Variants in NLRP1 observed in about 807,000 individuals in gnomAD.
The protein encoded by NLRP1 is NACHT, LRR and PYD domains-containing protein 1.
Under a neutral mutation model 136.7 loss-of-function variants are expected in NLRP1, and 94 were observed. The ratio of observed to expected loss-of-function variants is 0.69; its 90% CI spans 0.58 to 0.82. The LOEUF is 0.82. Ranked by LOEUF, NLRP1 falls within the 40% of genes least tolerant of loss-of-function variation. The probability of loss-of-function intolerance (pLI) is 0.00; values close to 1 mark genes in which losing one functional copy is unlikely to be tolerated. For missense variants in NLRP1, 1,575 were observed against 1,802.7 expected, an observed-to-expected ratio of 0.87 and a Z score of 2.29; for synonymous variants, 690 against 725.1, an observed-to-expected ratio of 0.95 and a Z score of 0.78.
At position 5,556,153 on chromosome 17, in the gene NLRP1, CACACACACAT is replaced by C. The variant is rs1168043670; in HGVS notation, c.2357+2176_2357+2185del. Among the ~76,000 whole-genome samples the C allele has an allele frequency of 6.2e-3, 886 of 143,574 alleles. 10 individuals carry two copies. Among genetic ancestry groups the C allele is most frequent in the African/African-American group, 0.022 (830 of 37,504 alleles). The allele number at this position is 143,574 out of a possible 152,430, so 94.2% of individuals were successfully genotyped here. A position where few individuals can be genotyped will look rare whatever the true frequency, so the allele number is the denominator to read the frequency against. On this transcript the variant is annotated intron_variant, in intron 4 of 16. Transcript: ENST00000572272. ...ACACACACACACACACACACACACA[CACACACACAT>C]GAAGGGCTGGGCATGGTGGCTCACA... is the stretch of plus-strand genomic sequence containing the variant.
intron 3 of NLRP1, among the ~76,000 whole-genome samples, chr17:5,570,893 C>T (rs148632269): frequency 2.6e-5 from 4 of 152,192 alleles, no homozygotes; most frequent in East Asian, 1.9e-4. Context: ...TCCAGCAGCA[C>T]GTCAAAAAGC....
chr17:5,537,077 G>A lies in NLRP1; in HGVS notation c.2871-137C>T, dbSNP rs1347770111. 6 of 646,756 alleles carry A rather than the reference G, an allele frequency of 9.3e-6. No individual in the cohort carries two copies. Among genetic ancestry groups the A allele is most frequent in the Admixed American group, 7.0e-5 (3 of 42,828 alleles). 40.1% of individuals were successfully genotyped at this position (646,756 alleles called of 1,614,324 possible). The stretch of plus-strand genomic sequence containing the variant: ...GGTTCCCTGGAAGCCAGGCTCTGAG[G>A]AGGAGGGTACAGTGAGGAGATTCAT... On this transcript the variant is annotated intron_variant, in intron 7 of 16. Coordinates refer to ENST00000572272, the MANE Select transcript of NLRP1 (RefSeq NM_033004.4). The surrounding 1 kb of genome is among the most constrained non-coding windows in gnomAD (Gnocchi z 4.5).
intron 15 of NLRP1, among the ~76,000 whole-genome samples, chr17:5,507,511 A>G (rs1274356857): frequency 6.6e-6 from 1 of 152,198 alleles, no homozygotes; most frequent in African/African-American, 2.4e-5. Flanking sequence ...CCTGGGCAAC[A>G]TGGTGAAACC....
At chr17:5,553,315 G>T in intron 5 of NLRP1, 71 bp downstream of exon 5, 3 of 1,395,946 alleles carry the variant, frequency 2.1e-6, no homozygotes, top group Non-Finnish European at 2.9e-6. Context: ...AAATCCCTCA[G>T]CCCAGACTCA....
downstream of NLRP1, among the ~76,000 whole-genome samples, chr17:5,509,369 C>A (rs183211086): frequency 5.3e-4 from 80 of 152,330 alleles, no homozygotes; most frequent in African/African-American, 1.9e-3. Flanking sequence ...AGGACTGGGG[C>A]CTGGACCAGA....
rs1449160035 is a variant in NLRP1 at position 5,537,453 on chromosome 17, G to C, written c.2871-513C>G. ...GGTCGGAAGTTTTGCTGGGAAGAGAGAGTCCTGGTTCCATCCTCCCAGGCC... is the reference window on the plus strand; with the variant it reads ...GGTCGGAAGTTTTGCTGGGAAGAGACAGTCCTGGTTCCATCCTCCCAGGCC... On this transcript the variant is annotated intron_variant, in intron 7 of 16. Coordinates refer to ENST00000572272, the MANE Select transcript of NLRP1 (RefSeq NM_033004.4). This position sits in a 1 kb window ranked among gnomAD's most constrained non-coding sequence, Gnocchi z 4.5. Among the ~76,000 whole-genome samples, 1 of 152,190 alleles carries C rather than the reference G, an allele frequency of 6.6e-6. No homozygotes were observed. The highest frequency in any genetic ancestry group is 1.5e-5 in the Non-Finnish European group (1 of 68,030).
At chr17:5,501,932 C>T in intron 15 of NLRP1, 1 of 1,468,128 alleles carries the variant, frequency 6.8e-7, no homozygotes, top group Non-Finnish European at 9.5e-7. Context: ...TTGGAGAGGT[C>T]CACTGGCCGG....
intron 12 of NLRP1, 118 bp downstream of exon 12, chr17:5,530,363 C>T (rs1042615131): frequency 3.7e-6 from 3 of 814,754 alleles, no homozygotes; most frequent in East Asian, 2.6e-5. Context: ...TCTCCATAAC[C>T]CCCCCTCGGC....
At chr17:5,551,568 G>A (rs758861727) in intron 5 of NLRP1, among the ~76,000 whole-genome samples, 3 of 152,096 alleles carry the variant, frequency 2.0e-5, no homozygotes, top group Non-Finnish European at 4.4e-5. Flanking sequence ...TGGATCCTAT[G>A]GTAAAAGTAT....
intron 15 of NLRP1, among the ~76,000 whole-genome samples, chr17:5,517,350 A>ATCCCC (rs1908249471): frequency 2.1e-5 from 1 of 47,380 alleles, no homozygotes; most frequent in African/African-American, 8.2e-5. Context: ...TGCACTCTGC[A>ATCCCC]CCCCCCCCCC....
intron 16 of NLRP1, 143 bp downstream of exon 16, chr17:5,515,330 G>T: frequency 1.3e-6 from 1 of 782,714 alleles, no homozygotes; most frequent in South Asian, 1.5e-5. Flanking sequence ...TATGGGGAGC[G>T]ACCATGCACC....
At chr17:5,515,921 T>C (rs1908044185) in intron 15 of NLRP1, among the ~76,000 whole-genome samples, 1 of 152,234 alleles carries the variant, frequency 6.6e-6, no homozygotes, top group African/African-American at 2.4e-5. Flanking sequence ...TCCTTGTTCT[T>C]GTTTAGCCTT....
chr17:5,558,593 C>CA lies in NLRP1; in HGVS notation c.2102dup (p.Met701IlefsTer59), dbSNP rs1240373624. On this transcript the variant is annotated frameshift_variant, in exon 4 of 17. Coordinates refer to ENST00000572272, the MANE Select transcript of NLRP1 (RefSeq NM_033004.4). LOFTEE classifies it high-confidence loss of function. ...GCAGCTGCAGGGACGGGACCCACTG[C>CA]ATCAGGTTCCTCCCCTGAGACAGCC... 1 of 1,614,016 alleles carries CA rather than the reference C, an allele frequency of 6.2e-7. No homozygotes were observed. Among genetic ancestry groups the CA allele is most frequent in the African/African-American group, 1.3e-5 (1 of 74,904 alleles).
At position 5,515,002 on chromosome 17, in the gene NLRP1, G is replaced by C. The variant is rs202212177; in HGVS notation, c.4174C>G (p.Arg1392Gly). ...AAGACAACCTCCACCGATGTCACTC[G>C]GGCTATCAGCTGCTCTCGATACTGG... ...VDQYREQLIA[R>G]VTSVEVVLDK... Residue 1392 changes from arginine (R) to glycine (G), a missense_variant, in exon 17 of 17, where the codon CGA becomes GGA. Transcript: ENST00000572272. 6.2e-7 allele frequency: 1 copy of C among 1,614,150 alleles called. No individual in the cohort carries two copies. The highest frequency in any genetic ancestry group is 1.6e-4 in the Middle Eastern group (1 of 6,062).
At position 5,539,578 on chromosome 17, in the gene NLRP1, T is replaced by G. The variant is rs1451659614; in HGVS notation, c.2707A>C (p.Ser903Arg). 6.2e-7 allele frequency: 1 copy of G among 1,608,448 alleles called. No homozygotes were observed. Among genetic ancestry groups the G allele is most frequent in the African/African-American group, 1.3e-5 (1 of 74,766 alleles). Reference sequence around the variant, plus strand: ...CAGCAGTCAGACGTGAGGCCACAGCTGACCAGCCTGCAGGAAAGATACACG... The same window carrying G: ...CAGCAGTCAGACGTGAGGCCACAGCGGACCAGCCTGCAGGAAAGATACACG... Reference protein sequence around the residue: ...SCKLQRLQLVSCGLTSDCCQD... With the variant: ...SCKLQRLQLVRCGLTSDCCQD... Residue 903 changes from serine to arginine, a missense_variant, in exon 7 of 17, where the codon AGC becomes CGC. Ser to Arg is a moderately radical substitution (Grantham distance 110). Transcript: ENST00000572272.
chr17:5,515,121 C>A, intron 16 of NLRP1, 48 bp from the exon 17 acceptor site: 1 of 1,536,784 alleles, frequency 6.5e-7, no homozygotes, highest in South Asian at 1.1e-5. Flanking sequence ...CACCTCCAAT[C>A]CCCACCTTCA....
chr17:5,559,988 C>A lies in NLRP1; in HGVS notation c.708G>T (p.Ala236=), dbSNP rs767399315. 6.2e-7 allele frequency: 1 copy of A among 1,606,090 alleles called. No individual in the cohort carries two copies. The highest frequency in any genetic ancestry group is 2.2e-5 in the East Asian group (1 of 44,802). Residue 236 remains alanine (A), a synonymous_variant, in exon 4 of 17, where the codon GCG becomes GCT. Coordinates refer to ENST00000572272, the MANE Select transcript of NLRP1 (RefSeq NM_033004.4). ...GCGCCTGTGGGGGCGTTCCTACCAC[C>A]GCTGCCCATGGGGGCCTGCCTTTCT... ...KSEKGRPPWA[A]VVGTPPQAHT...
chr17:5,572,023 T>G (rs1904417786), intron 3 of NLRP1, among the ~76,000 whole-genome samples: 1 of 152,208 alleles, frequency 6.6e-6, no homozygotes, highest in African/African-American at 2.4e-5. Flanking sequence ...CAATACGTGA[T>G]GCTGAGATAA....
At chr17:5,544,865 C>T (rs920758275) in intron 5 of NLRP1, among the ~76,000 whole-genome samples, 1 of 152,036 alleles carries the variant, frequency 6.6e-6, no homozygotes, top group Non-Finnish European at 1.5e-5. Flanking sequence ...TGGGACACCT[C>T]AGAGGAGGGT....
Sources: gnomAD v4.1 joint callset for allele counts (sites outside exome capture counted in the v4.1 genomes callset) on GRCh38, gnomAD v4.1.1 for gene constraint, Gnocchi (gnomAD v3.1) non-coding constraint, MANE v1.5 for transcripts, NCBI Gene and HGNC (gene_info 2026-07-23, HGNC 2026-07-21) for gene names.